CHTOP: variants seen among roughly 807,000 people sequenced by gnomAD.
CHTOP encodes chromatin target of PRMT1.
CHTOP carries 18 observed loss-of-function variants against 33.6 expected under a neutral mutation model. That is an observed-to-expected ratio of 0.54 (90% CI 0.37 to 0.80). CHTOP has a LOEUF of 0.80. Among genes scored for constraint, CHTOP ranks in the 30% least tolerant of loss-of-function variants. The pLI, the probability that CHTOP is intolerant of heterozygous loss-of-function variation, is 0.00. For synonymous variants in CHTOP, 117 were observed against 127.7 expected (o/e 0.92, Z 0.56); for missense variants, 263 against 336.8 (o/e 0.78, Z 1.71).
At chr1:153,639,407 T>C (rs1414274738) in intron 3 of CHTOP, 1 of 983,922 alleles carries the variant, frequency 1.0e-6, no homozygotes, top group East Asian at 1.1e-4. Context: ...TGGAAGGATA[T>C]GTCCAAGCTG....
intron 1 of CHTOP, 138 bp downstream of exon 1, chr1:153,634,481 AG>A (rs928298502): frequency 6.6e-6 from 1 of 152,238 alleles, no homozygotes; most frequent in Non-Finnish European, 1.5e-5. Flanking sequence ...GAGGAGGCGG[AG>A]CCCCTGCGAA....
chr1:153,638,561 G>A (rs903054063), intron 3 of CHTOP, 113 bp downstream of exon 3: 2 of 1,227,150 alleles, frequency 1.6e-6, no homozygotes, highest in Non-Finnish European at 2.4e-6. Flanking sequence ...GCAAAAAGCT[G>A]AAACTTCTCT....
At chr1:153,636,122 T>A (rs921635227) in intron 1 of CHTOP, among the ~76,000 whole-genome samples, 3 of 145,220 alleles carry the variant, frequency 2.1e-5, no homozygotes, top group Non-Finnish European at 3.0e-5. Flanking sequence ...AGAGACTGGG[T>A]CTCGCTTTGT....
At chr1:153,640,448 G>A (rs1026689872) in intron 3 of CHTOP, among the ~76,000 whole-genome samples, 1 of 152,046 alleles carries the variant, frequency 6.6e-6, no homozygotes, top group African/African-American at 2.4e-5. Context: ...CAGCTTGGGT[G>A]ACAGTGAGAC....
chr1:153,645,479 TTTTG>T lies in CHTOP; in HGVS notation c.*214_*217del, dbSNP rs1220474202. 1.2e-5 allele frequency: 6 copies of T among 518,318 alleles called. No homozygotes were observed. Among genetic ancestry groups the T allele is most frequent in the Non-Finnish European group, 1.7e-5 (5 of 294,922 alleles). 32.1% of individuals were successfully genotyped at this position (518,318 alleles called of 1,614,324 possible). On this transcript the variant is annotated 3_prime_UTR_variant, in exon 6 of 6. Transcript: ENST00000368694. Reference sequence around the variant, plus strand: ...AACCCTTTTGTCCTTTGATTTGGTTTTTTGTTTTTGTTTTTTTAGGGGGGAGGGG... The same window carrying T: ...AACCCTTTTGTCCTTTGATTTGGTTTTTTTTGTTTTTTTAGGGGGGAGGGG...
At chr1:153,640,330 G>A (rs554719549) in intron 3 of CHTOP, among the ~76,000 whole-genome samples, 4 of 151,046 alleles carry the variant, frequency 2.6e-5, no homozygotes, top group South Asian at 2.1e-4. Flanking sequence ...AAAAAAAGCC[G>A]GGCATGGTGG....
chr1:153,645,105 C>T lies in CHTOP; in HGVS notation c.583C>T (p.Arg195Ter). The T allele has an allele frequency of 6.2e-7, 1 of 1,613,088 alleles. No homozygotes were observed. The highest frequency in any genetic ancestry group is 8.5e-7 in the Non-Finnish European group (1 of 1,179,648). ...TCGGGGAAGAGGGGGCTTTGGAGGCCGAGGCCGAGGCCGTGGACGAGGGAG... is the reference window on the plus strand; with the variant it reads ...TCGGGGAAGAGGGGGCTTTGGAGGCTGAGGCCGAGGCCGTGGACGAGGGAG... ...IGRGRGGFGGRGRGRGRGRGA... is the reference protein window; with the variant it reads ...IGRGRGGFGG The change falls in exon 6 of 6, where the codon CGA becomes TGA. Residue 195 changes from arginine (R) to a stop codon, truncating the protein, a stop_gained. Coordinates refer to ENST00000368694, the MANE Select transcript of CHTOP (RefSeq NM_015607.4). LOFTEE classifies it high-confidence loss of function.
At position 153,642,300 on chromosome 1, in the gene CHTOP, A is replaced by G; in HGVS notation, c.274A>G (p.Ile92Val). ...SNIQARLGRPIGALARGAIGG... is the reference protein window; with the variant it reads ...SNIQARLGRPVGALARGAIGG... ...CATCCAGGCACGGTTAGGCCGACCC[A>G]TAGGGGCCCTGGCCAGGGGAGCAAT... Residue 92 changes from isoleucine (I) to valine (V), a missense_variant, in exon 4 of 6, where the codon ATA becomes GTA. Physicochemically the swap from Ile to Val is conservative, Grantham distance 29 (BLOSUM62 3). Around this residue, in one of 3 missense-constraint regions of CHTOP, gnomAD observed 168 missense variants for 179.9 expected, o/e 0.93. Coordinates refer to ENST00000368694, the MANE Select transcript of CHTOP (RefSeq NM_015607.4). The G allele has an allele frequency of 1.9e-6, 3 of 1,614,154 alleles. No homozygotes were observed. The highest frequency in any genetic ancestry group is 2.5e-6 in the Non-Finnish European group (3 of 1,180,006).
In CHTOP at chr1:153,636,520, A is replaced by G. The variant is rs1344716585; in HGVS notation, c.-17-52A>G. On this transcript the variant is annotated intron_variant, in intron 1 of 5. Transcript: ENST00000368694. The stretch of plus-strand genomic sequence containing the variant: ...TTTTGGCTTGGGCCTTGCCACTTAT[A>G]GAAATGATGTCACTATTGTGATTTG... 16 of 1,476,680 alleles carry G rather than the reference A, an allele frequency of 1.1e-5. No individual in the cohort carries two copies. In the Middle Eastern group the frequency reaches 5.4e-4, roughly 50 times the overall value. 91.5% of individuals were successfully genotyped at this position (1,476,680 alleles called of 1,614,324 possible).
At chr1:153,637,094 A>T (rs1186121647) in intron 2 of CHTOP, 1 of 155,536 alleles carries the variant, frequency 6.4e-6, no homozygotes. Context: ...TGTAAGAGGC[A>T]CTCGCTTTGC....
intron 1 of CHTOP, among the ~76,000 whole-genome samples, chr1:153,635,085 G>A (rs1027870739): frequency 4.6e-5 from 7 of 152,018 alleles, no homozygotes; most frequent in South Asian, 2.1e-4. Flanking sequence ...CCCAACCTCA[G>A]GTGATCCGCC....
chr1:153,641,532 C>T (rs970142179), intron 3 of CHTOP, among the ~76,000 whole-genome samples: 2 of 152,070 alleles, frequency 1.3e-5, no homozygotes, highest in Non-Finnish European at 2.9e-5. Flanking sequence ...ATTTGAGTTA[C>T]ATGTTTATTT....
intron 3 of CHTOP, 46 bp from the exon 4 acceptor site, chr1:153,642,200 G>T: frequency 6.5e-7 from 1 of 1,530,170 alleles, no homozygotes; most frequent in Non-Finnish European, 8.9e-7. Flanking sequence ...AATCCTGTTG[G>T]ATTGCTTTTT....
intron 5 of CHTOP, 31 bp from the exon 6 acceptor site, chr1:153,645,033 T>A: frequency 6.5e-7 from 1 of 1,530,188 alleles, no homozygotes; most frequent in Non-Finnish European, 8.9e-7. Flanking sequence ...TGTAACTGTC[T>A]CTTTTTTTTT....
chr1:153,640,590 G>A (rs573426768), intron 3 of CHTOP, among the ~76,000 whole-genome samples: 114 of 152,210 alleles, frequency 7.5e-4, no homozygotes, highest in Non-Finnish European at 1.3e-3. Flanking sequence ...GACCAGCCTG[G>A]CCAACATGAC....
At chr1:153,645,027 ACTGT>A (rs1668757034) in intron 5 of CHTOP, 33 bp from the exon 6 acceptor site, 2 of 1,550,688 alleles carry the variant, frequency 1.3e-6, no homozygotes, top group Non-Finnish European at 1.8e-6. Flanking sequence ...CTTACTTGTA[ACTGT>A]CTCTTTTTTT....
chr1:153,640,803 C>T (rs1668593359), intron 3 of CHTOP, among the ~76,000 whole-genome samples: 1 of 152,180 alleles, frequency 6.6e-6, no homozygotes. Context: ...CCACATGTAG[C>T]TATAGAGGCT....
rs765771188 is a variant in CHTOP, at chr1:153,636,668, A to G, written c.65+15A>G. ...CTAAATGAGCGGTGAGGCAGCCAACAGCAACTTCAACTCCTTCCTAAGAAA... is the reference window on the plus strand; with the variant it reads ...CTAAATGAGCGGTGAGGCAGCCAACGGCAACTTCAACTCCTTCCTAAGAAA... On this transcript the variant is annotated intron_variant, in intron 2 of 5. Coordinates refer to ENST00000368694, the MANE Select transcript of CHTOP (RefSeq NM_015607.4). 3.1e-6 allele frequency: 5 copies of G among 1,610,920 alleles called. No individual in the cohort carries two copies. Among genetic ancestry groups the G allele is most frequent in the Non-Finnish European group, 3.4e-6 (4 of 1,177,438 alleles).
rs998835483 is a variant in CHTOP, at chr1:153,635,043, T to G, written c.-18+700T>G. On this transcript the variant is annotated intron_variant, in intron 1 of 5. Coordinates refer to ENST00000368694, the MANE Select transcript of CHTOP (RefSeq NM_015607.4). ...TAATTTTGTATTTTTAGTAGAGACA[T>G]TTCTCCATGATGGTCAAGCTGGTCT... is the stretch of plus-strand genomic sequence containing the variant. Among the ~76,000 whole-genome samples, 115 of 151,984 alleles carry G rather than the reference T, an allele frequency of 7.6e-4. No individual in the cohort carries two copies. The Middle Eastern group carries it at 0.01, about 13-fold the overall frequency.
Sources: allele counts gnomAD v4.1 joint callset (sites outside exome capture counted in the v4.1 genomes callset), GRCh38; gene constraint gnomAD v4.1.1; regional missense constraint gnomAD v4.1.1; transcripts MANE v1.5; gene names NCBI Gene and HGNC (gene_info 2026-07-23, HGNC 2026-07-21).